Variants in ATP13A4 observed in about 807,000 individuals in gnomAD.
The protein encoded by ATP13A4 is probable cation-transporting ATPase 13A4.
ATP13A4 carries 114 observed loss-of-function variants against 142.5 expected under a neutral mutation model. That is an observed-to-expected ratio of 0.80 (90% CI 0.69 to 0.93). ATP13A4 has a LOEUF of 0.93. ATP13A4 is among the 40% of genes least tolerant of loss of function. ATP13A4 has a pLI of 0.00. For synonymous variants in ATP13A4, 488 were observed against 514.8 expected (o/e 0.95, Z 0.70); for missense variants, 1,392 against 1,454.0 (o/e 0.96, Z 0.69).
chr3:193,459,296 G>A, intron 13 of ATP13A4, 65 bp from the exon 14 acceptor site: 24 of 1,585,852 alleles, frequency 1.5e-5, no homozygotes, highest in Non-Finnish European at 2.1e-5. Flanking sequence ...CATCTTGGAG[G>A]TGAACAAACA....
intron 13 of ATP13A4, among the ~76,000 whole-genome samples, chr3:193,461,230 T>C (rs1467138174): frequency 6.6e-6 from 1 of 152,168 alleles, no homozygotes; most frequent in Non-Finnish European, 1.5e-5. Context: ...TTGGTGTCAA[T>C]GGAATAAGAA....
chr3:193,494,545 A>G (rs555099410), intron 3 of ATP13A4, among the ~76,000 whole-genome samples: 2 of 152,212 alleles, frequency 1.3e-5, no homozygotes, highest in South Asian at 4.1e-4. Context: ...CAACAAAGAA[A>G]TTAAAAGAGA....
intron 25 of ATP13A4, among the ~76,000 whole-genome samples, chr3:193,423,501 G>T (rs1245986000): frequency 6.7e-6 from 1 of 149,366 alleles, no homozygotes; most frequent in Non-Finnish European, 1.5e-5. Flanking sequence ...TGATCAAGTG[G>T]GATTCACCCC....
rs1024370748 is a variant in ATP13A4, at chr3:193,399,031, G to A, written c.*3621C>T. Among the ~76,000 whole-genome samples the A allele has an allele frequency of 1.3e-5, 2 of 152,086 alleles. No individual in the cohort carries two copies. The highest frequency in any genetic ancestry group is 6.5e-5 in the Admixed American group (1 of 15,284). On this transcript the variant is annotated 3_prime_UTR_variant, in exon 30 of 30. Transcript: ENST00000342695. ...AATACAAAGCTCTGAATAAATAATC[G>A]TTTTTTTCAGTCATCACATCTGCAG...
chr3:193,506,034 G>A (rs1354351105), intron 2 of ATP13A4, among the ~76,000 whole-genome samples: 1 of 152,192 alleles, frequency 6.6e-6, no homozygotes, highest in African/African-American at 2.4e-5. Context: ...GCAACAAATG[G>A]TATGGCTCTG....
At chr3:193,498,027 A>G (rs1286964528) in intron 3 of ATP13A4, among the ~76,000 whole-genome samples, 1 of 152,166 alleles carries the variant, frequency 6.6e-6, no homozygotes, top group Non-Finnish European at 1.5e-5. Flanking sequence ...TATGTTTAAT[A>G]ATATTGTATT....
intron 2 of ATP13A4, among the ~76,000 whole-genome samples, chr3:193,513,740 G>A (rs1721257168): frequency 6.6e-6 from 1 of 152,206 alleles, no homozygotes; most frequent in Admixed American, 6.5e-5. Context: ...GGCCTCAAGG[G>A]CAAGATGGCT....
chr3:193,527,383 C>T (rs369212553), intron 1 of ATP13A4, among the ~76,000 whole-genome samples: 44 of 152,088 alleles, frequency 2.9e-4, no homozygotes, highest in African/African-American at 9.9e-4. Context: ...GGGGGGCCAA[C>T]GTGGGCAGAT....
intron 12 of ATP13A4, among the ~76,000 whole-genome samples, chr3:193,463,472 A>G (rs2108641509): frequency 6.6e-6 from 1 of 151,586 alleles, no homozygotes; most frequent in East Asian, 1.9e-4. Flanking sequence ...CTCTCAGTGC[A>G]ATATTATGGT....
At chr3:193,490,585 T>G (rs1418713817) in intron 6 of ATP13A4, among the ~76,000 whole-genome samples, 1 of 152,224 alleles carries the variant, frequency 6.6e-6, no homozygotes, top group Non-Finnish European at 1.5e-5. Context: ...AAAAACATGC[T>G]GTGCCTTTAC....
intron 8 of ATP13A4, among the ~76,000 whole-genome samples, chr3:193,475,803 CT>C (rs1254493593): frequency 6.6e-6 from 1 of 151,978 alleles, no homozygotes. Flanking sequence ...TATAATTTGA[CT>C]GTACATTTCT....
intron 6 of ATP13A4, among the ~76,000 whole-genome samples, 157 bp from the exon 7 acceptor site, chr3:193,490,021 C>T (rs1450026022): frequency 6.6e-6 from 1 of 152,170 alleles, no homozygotes; most frequent in African/African-American, 2.4e-5. Context: ...AGACACCGCT[C>T]TAAGCAACTT....
At position 193,467,321 on chromosome 3, in the gene ATP13A4, T is replaced by C; in HGVS notation, c.1109A>G (p.Gln370Arg). The change falls in exon 10 of 30, where the codon CAG becomes CGG. Residue 370 changes from glutamine to arginine, a missense_variant. Transcript: ENST00000342695. ...CSGTVRAVVL[Q>R]TGFNTAKGDL... Reference sequence around the variant, plus strand: ...AAAAAGGAGGGGATGCTAACCAGTCTGCAGTACCACGGCTCTCACGGTCCC... The same window carrying C: ...AAAAAGGAGGGGATGCTAACCAGTCCGCAGTACCACGGCTCTCACGGTCCC... 6.2e-7 allele frequency: 1 copy of C among 1,614,214 alleles called. No homozygotes were observed. Among genetic ancestry groups the C allele is most frequent in the Non-Finnish European group, 8.5e-7 (1 of 1,180,026 alleles).
At chr3:193,425,841 T>C (rs1003375955) in intron 25 of ATP13A4, among the ~76,000 whole-genome samples, 1 of 151,718 alleles carries the variant, frequency 6.6e-6, no homozygotes, top group Non-Finnish European at 1.5e-5. Flanking sequence ...GCAGACTTTA[T>C]ATTTCAAAAT....
At chr3:193,432,488 T>A (rs1451984134) in intron 25 of ATP13A4, among the ~76,000 whole-genome samples, 1 of 152,100 alleles carries the variant, frequency 6.6e-6, no homozygotes, top group African/African-American at 2.4e-5. Flanking sequence ...TGGAAGCAAC[T>A]AAGATATCCT....
chr3:193,449,979 C>T (rs900340433), intron 17 of ATP13A4, among the ~76,000 whole-genome samples: 4 of 152,134 alleles, frequency 2.6e-5, no homozygotes, highest in Non-Finnish European at 4.4e-5. Context: ...ATTAGTTGGG[C>T]ATGGTGCCAG....
intron 2 of ATP13A4, among the ~76,000 whole-genome samples, chr3:193,566,577 C>G (rs546655990): frequency 1.3e-5 from 2 of 152,180 alleles, no homozygotes; most frequent in Non-Finnish European, 2.9e-5. Flanking sequence ...CACATATACG[C>G]AAACACAAAC....
chr3:193,499,588 C>A (rs1396228574), intron 3 of ATP13A4, among the ~76,000 whole-genome samples: 4 of 152,178 alleles, frequency 2.6e-5, no homozygotes, highest in African/African-American at 9.7e-5. Context: ...CCATCTGGCT[C>A]CAGAGTTCAA....
chr3:193,404,858 T>TA (rs1160170131), intron 29 of ATP13A4, among the ~76,000 whole-genome samples: 9 of 152,304 alleles, frequency 5.9e-5, no homozygotes, highest in South Asian at 2.1e-4. Flanking sequence ...GACATTTCTT[T>TA]AAAAAAATTT....
Sources: allele counts gnomAD v4.1 joint callset (sites outside exome capture counted in the v4.1 genomes callset), GRCh38; gene constraint gnomAD v4.1.1; transcripts MANE v1.5; gene names NCBI Gene and HGNC (gene_info 2026-07-23, HGNC 2026-07-21).